The following CLSTN2 variants were observed in gnomAD, a reference collection of about 807,000 sequenced individuals.
CLSTN2 encodes the protein calsyntenin 2.
In CLSTN2, 48 loss-of-function variants were observed where a neutral mutation model predicts 101.2. The observed-to-expected ratio is 0.47, with a 90% CI of 0.38 to 0.60. The LOEUF is 0.60. CLSTN2 is among the 20% of genes least tolerant of loss of function. The pLI is 0.00. For missense variants in CLSTN2, 1,160 were observed against 1,238.2 expected (o/e 0.94, Z 0.95); for synonymous variants, 481 against 463.6 (o/e 1.04, Z -0.48).
intron 4 of CLSTN2, among the ~76,000 whole-genome samples, chr3:140,408,381 A>G (rs2088328354): frequency 6.6e-6 from 1 of 152,160 alleles, no homozygotes; most frequent in Admixed American, 6.5e-5. Flanking sequence ...GGGCGGGGCT[A>G]TCAGTATCAG....
chr3:140,533,156 C>T (rs1376821078), intron 9 of CLSTN2, among the ~76,000 whole-genome samples: 1 of 152,302 alleles, frequency 6.6e-6, no homozygotes, highest in African/African-American at 2.4e-5. Flanking sequence ...GATCAGGAAA[C>T]CCGGCTCTCC....
chr3:140,424,282 A>ATATAT (rs2088537939), intron 5 of CLSTN2, among the ~76,000 whole-genome samples: 1 of 152,230 alleles, frequency 6.6e-6, no homozygotes, highest in African/African-American at 2.4e-5. Flanking sequence ...TCACTGCCCC[A>ATATAT]GTAGACTTCC....
intron 2 of CLSTN2, among the ~76,000 whole-genome samples, chr3:140,355,848 G>A (rs2087665427): frequency 6.6e-6 from 1 of 152,188 alleles, no homozygotes; most frequent in Admixed American, 6.5e-5. Flanking sequence ...TTTCATTCAA[G>A]GGCTGCATTT....
chr3:140,521,096 A>G (rs1359346056), intron 8 of CLSTN2, among the ~76,000 whole-genome samples: 10 of 142,866 alleles, frequency 7.0e-5, no homozygotes, highest in African/African-American at 2.3e-4. Flanking sequence ...CCTTTAGCTC[A>G]GCAAAGTTCA....
chr3:140,426,779 CTGTT>C (rs1246531274), intron 5 of CLSTN2, among the ~76,000 whole-genome samples: 2 of 152,318 alleles, frequency 1.3e-5, no homozygotes, highest in Admixed American at 6.5e-5. Flanking sequence ...ACCAGATAGA[CTGTT>C]TGAGTTCTAA....
intron 5 of CLSTN2, among the ~76,000 whole-genome samples, chr3:140,433,444 C>T (rs535337910): frequency 1.1e-4 from 16 of 152,358 alleles, no homozygotes; most frequent in African/African-American, 3.6e-4. Context: ...ACCTCATCTC[C>T]CCATGGACCT....
At chr3:140,205,197 C>T (rs1484481345) in intron 2 of CLSTN2, among the ~76,000 whole-genome samples, 2 of 152,146 alleles carry the variant, frequency 1.3e-5, no homozygotes, top group East Asian at 3.8e-4. Context: ...AAGGTGTTTG[C>T]TGGGATTTAA....
chr3:139,965,504 C>T (rs551200185), intron 1 of CLSTN2, among the ~76,000 whole-genome samples: 7 of 152,204 alleles, frequency 4.6e-5, no homozygotes, highest in Admixed American at 1.3e-4. Flanking sequence ...TCCCTTCTGG[C>T]GAGTACTGAG....
chr3:140,494,127 G>A (rs1934403654), intron 8 of CLSTN2, among the ~76,000 whole-genome samples: 1 of 152,062 alleles, frequency 6.6e-6, no homozygotes, highest in African/African-American at 2.4e-5. Flanking sequence ...CTTTTGTATT[G>A]GCTGCTACAA....
At chr3:140,004,863 G>A (rs1415122220) in intron 1 of CLSTN2, among the ~76,000 whole-genome samples, 1 of 152,122 alleles carries the variant, frequency 6.6e-6, no homozygotes, top group Non-Finnish European at 1.5e-5. Flanking sequence ...AAAAATTGCA[G>A]ATGAGTTTCT....
rs115351484 is a variant in CLSTN2 at position 140,352,581 on chromosome 3, G to C, written c.233-51048G>C. ...GCTGCTTGGGTTAGCAAATACATTT[G>C]CATTCCGACAATGGATGTGCTCATT... On this transcript the variant is annotated intron_variant, in intron 2 of 16. Coordinates refer to ENST00000458420, the MANE Select transcript of CLSTN2 (RefSeq NM_022131.3). 3.2e-3 allele frequency among the ~76,000 whole-genome samples: 482 copies of C among 152,268 alleles called. 3 individuals carry two copies. The highest frequency in any genetic ancestry group is 0.01 in the African/African-American group (431 of 41,548).
chr3:140,345,515 GT>G (rs1313921471), intron 2 of CLSTN2, among the ~76,000 whole-genome samples: 2 of 151,444 alleles, frequency 1.3e-5, no homozygotes, highest in Admixed American at 6.6e-5. Flanking sequence ...CTCCCAAAGT[GT>G]TGGGATTACA....
chr3:140,366,236 G>T (rs148243798), intron 2 of CLSTN2, among the ~76,000 whole-genome samples: 1 of 152,184 alleles, frequency 6.6e-6, no homozygotes, highest in Non-Finnish European at 1.5e-5. Flanking sequence ...GCTAGGATTC[G>T]TGCTGGAGAA....
At chr3:140,517,556 T>C (rs1248240010) in intron 8 of CLSTN2, among the ~76,000 whole-genome samples, 1 of 152,154 alleles carries the variant, frequency 6.6e-6, no homozygotes, top group Non-Finnish European at 1.5e-5. Context: ...ATGTGGCTTC[T>C]TGAGAACCAA....
At chr3:139,978,491 AAC>A (rs1271006966) in intron 1 of CLSTN2, among the ~76,000 whole-genome samples, 1 of 152,170 alleles carries the variant, frequency 6.6e-6, no homozygotes, top group Admixed American at 6.5e-5. Context: ...AAGTTTGGAA[AAC>A]ACAAAATCTT....
chr3:140,043,376 T>A (rs896670341), intron 1 of CLSTN2, among the ~76,000 whole-genome samples: 1 of 152,174 alleles, frequency 6.6e-6, no homozygotes, highest in Admixed American at 6.5e-5. Context: ...GGGTTGTTTA[T>A]TTTTTTCTTG....
At position 140,577,340 on chromosome 3, in the gene CLSTN2, C is replaced by T. The variant is rs1985761127; in HGVS notation, c.*11087C>T. ...CTACAAACTGATTCATGTTGGTGGTCGTTATGACACTTTCTGTGAATTGGT... is the reference window on the plus strand; with the variant it reads ...CTACAAACTGATTCATGTTGGTGGTTGTTATGACACTTTCTGTGAATTGGT... On this transcript the variant is annotated 3_prime_UTR_variant, in exon 17 of 17. Transcript: ENST00000458420. 1 of 152,072 alleles carries T rather than the reference C, an allele frequency of 6.6e-6. No homozygotes were observed. Among genetic ancestry groups the T allele is most frequent in the Non-Finnish European group, 1.5e-5 (1 of 68,026 alleles). 9.4% of individuals were successfully genotyped at this position (152,072 alleles called of 1,614,324 possible).
intron 1 of CLSTN2, among the ~76,000 whole-genome samples, chr3:139,945,966 G>A (rs975646335): frequency 6.6e-6 from 1 of 152,182 alleles, no homozygotes; most frequent in Non-Finnish European, 1.5e-5. Context: ...AGTGTTGGAT[G>A]TAAATTAGAT....
rs971222542 is a variant in CLSTN2, at chr3:140,057,243, A to C, written c.110-118708A>C. 6.6e-5 allele frequency among the ~76,000 whole-genome samples: 10 copies of C among 152,240 alleles called. No homozygotes were observed. The East Asian group carries it at 1.5e-3, about 23-fold the overall frequency. ...CACTCAGCTGTAACTGCTGGAGCTG[A>C]GACTTGAGCCCAGTGCTCCTAACCC... On this transcript the variant is annotated intron_variant, in intron 1 of 16. Coordinates refer to ENST00000458420, the MANE Select transcript of CLSTN2 (RefSeq NM_022131.3).
Sources: gnomAD v4.1 joint callset for allele counts (sites outside exome capture counted in the v4.1 genomes callset) on GRCh38, gnomAD v4.1.1 for gene constraint, MANE v1.5 for transcripts, NCBI Gene and HGNC (gene_info 2026-07-23, HGNC 2026-07-21) for gene names.